The following TTC28 variants were observed in gnomAD, a reference collection of about 807,000 sequenced individuals.
TTC28 encodes tetratricopeptide repeat domain 28.
Under a neutral mutation model 198.0 loss-of-function variants are expected in TTC28, and 61 were observed. That is an observed-to-expected ratio of 0.31 (90% CI 0.25 to 0.38). The LOEUF (loss-of-function observed/expected upper bound fraction) is 0.38. Among genes scored for constraint, TTC28 ranks in the 10% least tolerant of loss-of-function variants. The pLI is 1.00. For synonymous variants in TTC28, 1,171 were observed against 1,297.8 expected (o/e 0.90, Z 2.10); for missense variants, 2,678 against 3,164.0 (o/e 0.85, Z 3.69).
intron 2 of TTC28, among the ~76,000 whole-genome samples, chr22:28,489,006 A>T (rs939187826): frequency 1.3e-5 from 2 of 152,188 alleles, no homozygotes; most frequent in African/African-American, 4.8e-5. Flanking sequence ...TTACTTGGCC[A>T]GGCATAGTAG....
At chr22:28,288,744 C>T (rs1238223070) in intron 5 of TTC28, among the ~76,000 whole-genome samples, 3 of 147,996 alleles carry the variant, frequency 2.0e-5, no homozygotes, top group African/African-American at 5.0e-5. Context: ...ACCCAGAAGG[C>T]GGAGCTTGCA....
At chr22:28,167,410 C>T (rs1484586830) in intron 5 of TTC28, among the ~76,000 whole-genome samples, 1 of 152,136 alleles carries the variant, frequency 6.6e-6, no homozygotes, top group East Asian at 1.9e-4. Flanking sequence ...AACATTGATG[C>T]AAAAATCCTC....
intron 2 of TTC28, among the ~76,000 whole-genome samples, chr22:28,377,589 A>T (rs2046431391): frequency 6.6e-6 from 1 of 152,082 alleles, no homozygotes; most frequent in African/African-American, 2.4e-5. Flanking sequence ...CACTACCCAT[A>T]TTGCTTCCCA....
chr22:28,601,288 T>G (rs1244164835), intron 2 of TTC28, among the ~76,000 whole-genome samples: 1 of 152,194 alleles, frequency 6.6e-6, no homozygotes, highest in East Asian at 1.9e-4. Context: ...TGGTAGCCCA[T>G]GATTTCATTA....
intron 2 of TTC28, among the ~76,000 whole-genome samples, chr22:28,386,331 T>G (rs2046593630): frequency 6.8e-6 from 1 of 147,718 alleles, no homozygotes. Context: ...TTTTAGCAGT[T>G]GGCATATTCA....
At chr22:28,125,040 G>A (rs1942881179) in intron 6 of TTC28, among the ~76,000 whole-genome samples, 2 of 152,274 alleles carry the variant, frequency 1.3e-5, no homozygotes, top group Admixed American at 6.5e-5. Context: ...TAATAGTGGC[G>A]ATAATGATGA....
At chr22:28,383,234 T>C (rs750574431) in intron 2 of TTC28, among the ~76,000 whole-genome samples, 17 of 152,232 alleles carry the variant, frequency 1.1e-4, no homozygotes, top group Non-Finnish European at 7.3e-5. Flanking sequence ...GTACCCAAGA[T>C]GTGGTTTCCA....
intron 2 of TTC28, among the ~76,000 whole-genome samples, chr22:28,435,363 A>C (rs9625474): frequency 0.018 from 2,800 of 152,330 alleles, 52 homozygotes; most frequent in Non-Finnish European, 0.026. Flanking sequence ...GACTAACAAG[A>C]AAGTTCAGGA....
chr22:28,419,195 ACT>A (rs1315328546), intron 2 of TTC28, among the ~76,000 whole-genome samples: 2 of 152,030 alleles, frequency 1.3e-5, no homozygotes, highest in African/African-American at 2.4e-5. Flanking sequence ...GCAATTTCTC[ACT>A]CTGTCAATAT....
At chr22:28,045,021 C>T (rs1939808101) in intron 12 of TTC28, among the ~76,000 whole-genome samples, 1 of 152,050 alleles carries the variant, frequency 6.6e-6, no homozygotes, top group African/African-American at 2.4e-5. Context: ...ATTGGAAGGC[C>T]CCATTACTTG....
Position 27,998,715 on chromosome 22 carries a change from G to A in TTC28, c.4944C>T (p.Ala1648=), listed in dbSNP as rs372164265. The change falls in exon 16 of 23, where the codon GCC becomes GCT. Residue 1648 remains alanine, a synonymous_variant. Transcript: ENST00000397906. The part of the protein sequence containing the change: ...VIALTRAFLA[A]GAQCVLVSLW... ...GAGACACGAGGACACACTGAGCGCC[G>A]GCAGCCAGGAAGGCCCTTGTCAGCG... The A allele has an allele frequency of 5.4e-4, 839 of 1,550,852 alleles. 1 individual carries two copies. The highest frequency in any genetic ancestry group is 6.7e-4 in the Non-Finnish European group (768 of 1,147,008).
chr22:28,257,999 C>A (rs953410921), intron 5 of TTC28, among the ~76,000 whole-genome samples: 5 of 151,758 alleles, frequency 3.3e-5, no homozygotes, highest in Non-Finnish European at 7.4e-5. Context: ...CTCAAAATTT[C>A]CCCTAAAGAA....
intron 1 of TTC28, among the ~76,000 whole-genome samples, chr22:28,653,798 C>A (rs2051601413): frequency 6.6e-6 from 1 of 152,162 alleles, no homozygotes; most frequent in African/African-American, 2.4e-5. Context: ...ACCACAAACC[C>A]TTTTCTCCTG....
At chr22:28,190,890 A>T (rs569653560) in intron 5 of TTC28, among the ~76,000 whole-genome samples, 1 of 152,086 alleles carries the variant, frequency 6.6e-6, no homozygotes, top group African/African-American at 2.4e-5. Flanking sequence ...TCTCACCTGC[A>T]TAACAGCCTC....
At chr22:28,194,566 G>A (rs1282526577) in intron 5 of TTC28, among the ~76,000 whole-genome samples, 2 of 150,768 alleles carry the variant, frequency 1.3e-5, no homozygotes, top group Admixed American at 1.3e-4. Flanking sequence ...AGAGAGAAGA[G>A]TCAAATAGAT....
At chr22:28,393,428 G>A (rs563886635) in intron 2 of TTC28, among the ~76,000 whole-genome samples, 17 of 152,202 alleles carry the variant, frequency 1.1e-4, no homozygotes, top group Middle Eastern at 6.8e-3. Flanking sequence ...GCGGTGGCTC[G>A]TGCCTGTAAT....
intron 2 of TTC28, among the ~76,000 whole-genome samples, chr22:28,327,330 C>T (rs2045548669): frequency 6.6e-6 from 1 of 152,034 alleles, no homozygotes; most frequent in Non-Finnish European, 1.5e-5. Flanking sequence ...TTTAAAATGA[C>T]CCCCAAGTAT....
At chr22:28,493,041 C>T (rs1472395502) in intron 2 of TTC28, among the ~76,000 whole-genome samples, 3 of 133,306 alleles carry the variant, frequency 2.3e-5, no homozygotes, top group Non-Finnish European at 3.1e-5. Context: ...CAAGGGTTCA[C>T]GATACTAAAA....
At chr22:28,047,465 C>T (rs1355362189) in intron 12 of TTC28, among the ~76,000 whole-genome samples, 1 of 152,178 alleles carries the variant, frequency 6.6e-6, no homozygotes, top group Non-Finnish European at 1.5e-5. Flanking sequence ...CAGCCAGACG[C>T]CAAGGGCTGA....
Sources: allele counts gnomAD v4.1 joint callset (sites outside exome capture counted in the v4.1 genomes callset), GRCh38; gene constraint gnomAD v4.1.1; transcripts MANE v1.5; gene names NCBI Gene and HGNC (gene_info 2026-07-23, HGNC 2026-07-21).